NTRK3: variants seen among roughly 807,000 people sequenced by gnomAD.
NTRK3 encodes neurotrophic receptor tyrosine kinase 3.
A neutral mutation model predicts 91.7 loss-of-function variants in NTRK3; 24 were observed. The observed-to-expected ratio is 0.26, with a 90% CI of 0.19 to 0.37. The LOEUF (loss-of-function observed/expected upper bound fraction) is 0.37, where lower values mean the gene tolerates loss of function less well. Ranked by LOEUF, NTRK3 falls within the 10% of genes least tolerant of loss-of-function variation. The pLI, the probability that NTRK3 is intolerant of heterozygous loss-of-function variation, is 1.00. For missense variants in NTRK3, 880 were observed against 1,068.9 expected (o/e 0.82, Z 2.46); for synonymous variants, 483 against 404.0 (o/e 1.20, Z -2.34).
intron 5 of NTRK3, among the ~76,000 whole-genome samples, chr15:88,172,240 C>T (rs2045591100): frequency 6.6e-6 from 1 of 152,256 alleles, no homozygotes. Flanking sequence ...GAAAGAGACA[C>T]AAACCTGTTA....
intron 14 of NTRK3, among the ~76,000 whole-genome samples, chr15:88,000,211 C>G (rs931988908): frequency 2.0e-5 from 3 of 152,046 alleles, no homozygotes; most frequent in Non-Finnish European, 2.9e-5. Context: ...GTTAAAATGT[C>G]GACATATGTC....
exon 19 of NTRK3, chr15:87,868,108 C>A: frequency 4.3e-6 from 1 of 231,404 alleles, no homozygotes; most frequent in Non-Finnish European, 8.5e-6. Context: ...TCAACGGAAG[C>A]GACACAAATG....
At position 88,255,100 on chromosome 15, in the gene NTRK3, C is replaced by G. The variant is rs1278145288; in HGVS notation, c.248+806G>C. On this transcript the variant is annotated intron_variant, in intron 3 of 18. Transcript: ENST00000394480. The surrounding 1 kb of genome is among the most constrained non-coding windows in gnomAD (Gnocchi z 4.3). ...AATGTTCCAAATGAACCGATCCGCA[C>G]GATCACACAAGAAACCCCTCTCCTC... is the stretch of plus-strand genomic sequence containing the variant. 6.6e-6 allele frequency among the ~76,000 whole-genome samples: 1 copy of G among 152,200 alleles called. No homozygotes were observed. Among genetic ancestry groups the G allele is most frequent in the Non-Finnish European group, 1.5e-5 (1 of 68,046 alleles).
intron 3 of NTRK3, among the ~76,000 whole-genome samples, chr15:88,194,499 C>T (rs753928645): frequency 6.6e-6 from 1 of 152,206 alleles, no homozygotes; most frequent in Non-Finnish European, 1.5e-5. Flanking sequence ...CCCAGACAAA[C>T]CCTGTCATTG....
At chr15:88,169,099 G>C (rs937277801) in intron 5 of NTRK3, among the ~76,000 whole-genome samples, 11 of 152,226 alleles carry the variant, frequency 7.2e-5, no homozygotes, top group East Asian at 1.9e-4. Flanking sequence ...TGAGCGGAGA[G>C]CCCTGGAGGA....
At chr15:87,993,169 A>G (rs775432274) in intron 14 of NTRK3, among the ~76,000 whole-genome samples, 5 of 152,192 alleles carry the variant, frequency 3.3e-5, no homozygotes, top group Non-Finnish European at 7.3e-5. Context: ...CTGCTACCCC[A>G]GGGTGCTCAA....
At chr15:87,952,308 T>C (rs1259274480) in intron 14 of NTRK3, among the ~76,000 whole-genome samples, 18 of 152,172 alleles carry the variant, frequency 1.2e-4, no homozygotes, top group African/African-American at 4.3e-4. Flanking sequence ...CTCTTTCCTC[T>C]TCTTCCTAAC....
chr15:88,167,621 C>G (rs976136041), intron 5 of NTRK3, among the ~76,000 whole-genome samples: 1 of 152,138 alleles, frequency 6.6e-6, no homozygotes, highest in Admixed American at 6.5e-5. Context: ...GTTAAGATAG[C>G]ATATTGCTCA....
intron 14 of NTRK3, among the ~76,000 whole-genome samples, chr15:87,979,735 AGAG>A (rs1350673418): frequency 6.6e-6 from 1 of 152,162 alleles, no homozygotes; most frequent in Non-Finnish European, 1.5e-5. Flanking sequence ...TTGTCATGGA[AGAG>A]GAGGAGAGGT....
chr15:88,252,621 G>C (rs1247806425), intron 3 of NTRK3: 1 of 152,420 alleles, frequency 6.6e-6, no homozygotes, highest in African/African-American at 2.4e-5. Context: ...GCCTAGCAAA[G>C]CGGCCCAGAC....
chr15:87,903,720 C>T (rs1245480972), intron 17 of NTRK3, among the ~76,000 whole-genome samples: 1 of 152,168 alleles, frequency 6.6e-6, no homozygotes, highest in Non-Finnish European at 1.5e-5. Flanking sequence ...TCACAGGCAT[C>T]TTACACAGGG....
intron 14 of NTRK3, among the ~76,000 whole-genome samples, chr15:87,959,726 G>T (rs2141187874): frequency 6.6e-6 from 1 of 152,318 alleles, no homozygotes; most frequent in East Asian, 1.9e-4. Flanking sequence ...CTCATTAAAG[G>T]ATTGACACCA....
rs75649106 is a variant in NTRK3, at chr15:87,890,958, A to T, written c.2134-10530T>A. ...GGAAAAAAATTTCTTAAGAGAAAAAATATCATGACTTCTTATTGATTTTTC... is the reference window on the plus strand; with the variant it reads ...GGAAAAAAATTTCTTAAGAGAAAAATTATCATGACTTCTTATTGATTTTTC... On this transcript the variant is annotated intron_variant, in intron 17 of 18. Transcript: ENST00000394480. Among the ~76,000 whole-genome samples the T allele has an allele frequency of 5.4e-3, 823 of 152,306 alleles. 14 individuals are homozygous for T. Among genetic ancestry groups the T allele is most frequent in the East Asian group, 0.026 (135 of 5,192 alleles).
chr15:88,071,798 T>C (rs1277106339), intron 13 of NTRK3, among the ~76,000 whole-genome samples: 2 of 152,066 alleles, frequency 1.3e-5, no homozygotes, highest in Non-Finnish European at 2.9e-5. Context: ...GTGCCAGAAG[T>C]AGGAATTAGC....
chr15:88,097,444 G>C (rs1431109221), intron 13 of NTRK3, among the ~76,000 whole-genome samples: 1 of 152,204 alleles, frequency 6.6e-6, no homozygotes, highest in African/African-American at 2.4e-5. Context: ...AATGGGAAGA[G>C]ATAGTCTCAT....
intron 13 of NTRK3, among the ~76,000 whole-genome samples, chr15:88,056,665 C>G (rs2045720132): frequency 6.6e-6 from 1 of 152,194 alleles, no homozygotes; most frequent in South Asian, 2.1e-4. Context: ...TCCACAAAGC[C>G]TTAGCATGGT....
chr15:88,173,071 TA>T lies in NTRK3; in HGVS notation c.395+10346del, dbSNP rs569200967. On this transcript the variant is annotated intron_variant, in intron 5 of 18. Coordinates refer to ENST00000394480, the Ensembl canonical transcript of NTRK3. ...GGTGCAAAACACATTTGGGGTTCAATAACACATTTGGAGTTCAATAAAAGCA... is the reference window on the plus strand; with the variant it reads ...GGTGCAAAACACATTTGGGGTTCAATACACATTTGGAGTTCAATAAAAGCA... Among the ~76,000 whole-genome samples the T allele has an allele frequency of 1.3e-4, 20 of 152,256 alleles. 1 individual carries two copies. The South Asian group carries it at 4.2e-3, about 32-fold the overall frequency.
chr15:87,929,206 G>C (rs2141909165), exon 17 of NTRK3: 3 of 1,614,138 alleles, frequency 1.9e-6, no homozygotes, highest in Non-Finnish European at 2.5e-6. Flanking sequence ...AATAATCCGT[G>C]CTGTAGACAT....
At chr15:87,877,930 T>C (rs1298866092) in intron 18 of NTRK3, among the ~76,000 whole-genome samples, 1 of 152,068 alleles carries the variant, frequency 6.6e-6, no homozygotes, top group Non-Finnish European at 1.5e-5. Flanking sequence ...GGAGAAGCCA[T>C]AAGGAGGAGT....
Sources: allele counts gnomAD v4.1 joint callset (sites outside exome capture counted in the v4.1 genomes callset), GRCh38; gene constraint gnomAD v4.1.1; non-coding constraint Gnocchi (gnomAD v3.1); transcripts MANE v1.5; gene names NCBI Gene and HGNC (gene_info 2026-07-23, HGNC 2026-07-21).